SRRM4: variants seen among roughly 807,000 people sequenced by gnomAD.
The protein encoded by SRRM4 is serine/arginine repetitive matrix 4.
In SRRM4, 33 loss-of-function variants were observed where a neutral mutation model predicts 68.9. That is an observed-to-expected ratio of 0.48 (90% CI 0.36 to 0.64). The LOEUF (loss-of-function observed/expected upper bound fraction) is 0.64. Among genes scored for constraint, SRRM4 ranks in the 30% least tolerant of loss-of-function variants. The pLI, the probability that SRRM4 is intolerant of heterozygous loss-of-function variation, is 0.00. For missense variants in SRRM4, 817 were observed against 827.1 expected, an observed-to-expected ratio of 0.99 and a Z score of 0.15; for synonymous variants, 318 against 318.8, an observed-to-expected ratio of 1.00 and a Z score of 0.03.
At chr12:119,134,783 C>A (rs903925800) in intron 8 of SRRM4, among the ~76,000 whole-genome samples, 1 of 152,216 alleles carries the variant, frequency 6.6e-6, no homozygotes. Context: ...GTGATGAAAG[C>A]AACTACAGTG....
At chr12:119,104,531 C>A (rs1350964192) in intron 2 of SRRM4, among the ~76,000 whole-genome samples, 1 of 151,592 alleles carries the variant, frequency 6.6e-6, no homozygotes, top group Non-Finnish European at 1.5e-5. Flanking sequence ...TTATACTGTC[C>A]TCTTACTCTA....
intron 1 of SRRM4, among the ~76,000 whole-genome samples, chr12:119,062,963 T>C (rs1045660166): frequency 1.3e-5 from 2 of 152,240 alleles, no homozygotes; most frequent in Admixed American, 1.3e-4. Context: ...TGTCAACTTA[T>C]TTAGCAAAGT....
chr12:119,062,795 C>T (rs1953822632), intron 1 of SRRM4, among the ~76,000 whole-genome samples: 1 of 152,202 alleles, frequency 6.6e-6, no homozygotes, highest in Non-Finnish European at 1.5e-5. Flanking sequence ...TTATGCAGTG[C>T]ACAGCCATGC....
intron 7 of SRRM4, among the ~76,000 whole-genome samples, chr12:119,126,851 C>T (rs1592908948): frequency 6.7e-6 from 1 of 150,086 alleles, no homozygotes; most frequent in South Asian, 2.2e-4. Context: ...AAATGTGGCA[C>T]ATATACACCA....
chr12:119,011,785 T>G (rs1953451342), intron 1 of SRRM4, among the ~76,000 whole-genome samples: 1 of 152,110 alleles, frequency 6.6e-6, no homozygotes, highest in African/African-American at 2.4e-5. Context: ...GGGAGACCAG[T>G]GCCATTGCCG....
At chr12:119,103,609 A>T (rs544137921) in intron 2 of SRRM4, among the ~76,000 whole-genome samples, 3 of 152,346 alleles carry the variant, frequency 2.0e-5, no homozygotes, top group African/African-American at 7.2e-5. Context: ...GTTCAACCTC[A>T]TGTCTGGAGA....
chr12:119,145,666 A>G lies in SRRM4; in HGVS notation c.1057A>G (p.Ser353Gly). The G allele has an allele frequency of 6.6e-7, 1 of 1,523,266 alleles. No individual in the cohort carries two copies. Among genetic ancestry groups the G allele is most frequent in the Non-Finnish European group, 8.8e-7 (1 of 1,136,262 alleles). The allele number at this position is 1,523,266 out of a possible 1,614,324, so 94.4% of individuals were successfully genotyped here. A position where few individuals can be genotyped will look rare whatever the true frequency, so the allele number is the denominator to read the frequency against. The stretch of plus-strand genomic sequence containing the variant: ...CATGTTGGAGAATCTCTCCCCCACC[A>G]GCAGGGGCAGAGAGTCAAGGTCAGT... ...GAMLENLSPT[S>G]RGRESRGFQS... The change falls in exon 9 of 13, where the codon AGC becomes GGC. Residue 353 changes from serine to glycine, a missense_variant. Transcript: ENST00000267260.
chr12:119,110,551 G>A (rs946662757), intron 2 of SRRM4, among the ~76,000 whole-genome samples: 1 of 152,218 alleles, frequency 6.6e-6, no homozygotes, highest in African/African-American at 2.4e-5. Flanking sequence ...CAGCCTCGCT[G>A]CCGCCTTGCA....
At position 119,156,611 on chromosome 12, in the gene SRRM4, C is replaced by T; in HGVS notation, c.1649C>T (p.Ser550Phe). The change falls in exon 13 of 13, where the codon TCC becomes TTC. Residue 550 changes from serine (S) to phenylalanine (F), a missense_variant. Ser to Phe is a radical substitution (Grantham distance 155). Coordinates refer to ENST00000267260, the MANE Select transcript of SRRM4 (RefSeq NM_194286.4). The stretch of plus-strand genomic sequence containing the variant: ...AGCCGCTCGGCCAGCCGCAGCTACT[C>T]CCGGAGCCGGAGTCGGAGCCGGAGC... Reference protein sequence around the residue: ...SSSRSASRSYSRSRSRSRSRR... With the variant: ...SSSRSASRSYFRSRSRSRSRR... 6.2e-7 allele frequency: 1 copy of T among 1,610,272 alleles called. No homozygotes were observed. The highest frequency in any genetic ancestry group is 8.5e-7 in the Non-Finnish European group (1 of 1,179,316).
intron 8 of SRRM4, among the ~76,000 whole-genome samples, chr12:119,139,392 G>C (rs1954350752): frequency 6.6e-6 from 1 of 152,160 alleles, no homozygotes. Flanking sequence ...CTTGTGGAGT[G>C]AATGGAGAGC....
chr12:119,077,828 A>G (rs1012000439), intron 1 of SRRM4, among the ~76,000 whole-genome samples: 6 of 152,132 alleles, frequency 3.9e-5, no homozygotes, highest in African/African-American at 1.4e-4. Context: ...TCCAACAATT[A>G]CCTTCCATAA....
At chr12:119,036,569 A>G (rs1202730264) in intron 1 of SRRM4, among the ~76,000 whole-genome samples, 7 of 152,154 alleles carry the variant, frequency 4.6e-5, no homozygotes, top group Non-Finnish European at 7.3e-5. Context: ...GTTTCCCTCA[A>G]TGTGTGTATT....
At chr12:119,031,020 G>A (rs928758472) in intron 1 of SRRM4, 1 of 152,164 alleles carries the variant, frequency 6.6e-6, no homozygotes, top group African/African-American at 2.4e-5. Context: ...GTACTGCTGG[G>A]TAATAAGTTT....
intron 2 of SRRM4, among the ~76,000 whole-genome samples, chr12:119,105,972 G>A (rs1221954319): frequency 6.6e-6 from 1 of 152,188 alleles, no homozygotes; most frequent in Admixed American, 6.5e-5. Flanking sequence ...AAACCATCTT[G>A]AATTAATTTT....
intron 2 of SRRM4, among the ~76,000 whole-genome samples, chr12:119,106,817 A>G (rs1016101089): frequency 2.0e-5 from 3 of 152,162 alleles, no homozygotes; most frequent in Admixed American, 2.0e-4. Flanking sequence ...CTCCTGCCTG[A>G]TTGCCCTGGC....
chr12:119,060,056 C>G (rs556339940), intron 1 of SRRM4, among the ~76,000 whole-genome samples: 3 of 152,190 alleles, frequency 2.0e-5, no homozygotes, highest in African/African-American at 7.2e-5. Context: ...CTGGACTAGG[C>G]ACTGCCCTGA....
At chr12:119,067,366 C>T (rs769198241) in intron 1 of SRRM4, among the ~76,000 whole-genome samples, 7 of 152,194 alleles carry the variant, frequency 4.6e-5, no homozygotes, top group East Asian at 1.9e-4. Flanking sequence ...TAGTATGGTT[C>T]GTTATCTTTT....
chr12:119,099,845 C>G (rs1472937536), intron 1 of SRRM4, among the ~76,000 whole-genome samples: 1 of 152,158 alleles, frequency 6.6e-6, no homozygotes, highest in African/African-American at 2.4e-5. Context: ...ATGGCTACCA[C>G]CAGAATCATC....
chr12:119,146,674 C>T (rs570555747), intron 9 of SRRM4, among the ~76,000 whole-genome samples: 3 of 151,976 alleles, frequency 2.0e-5, no homozygotes, highest in East Asian at 3.9e-4. Flanking sequence ...CGGTGGCTCA[C>T]GCCTGTAATC....
Sources: gnomAD v4.1 joint callset for allele counts (sites outside exome capture counted in the v4.1 genomes callset) on GRCh38, gnomAD v4.1.1 for gene constraint, MANE v1.5 for transcripts, NCBI Gene and HGNC (gene_info 2026-07-23, HGNC 2026-07-21) for gene names.